The following CCDC92 variants were observed in gnomAD, a reference collection of about 807,000 sequenced individuals.
CCDC92 encodes coiled-coil domain-containing protein 92.
A neutral mutation model predicts 24.9 loss-of-function variants in CCDC92; 12 were observed. The ratio of observed to expected loss-of-function variants is 0.48; its 90% CI spans 0.31 to 0.78. The LOEUF is 0.78. Among genes scored for constraint, CCDC92 ranks in the 30% least tolerant of loss-of-function variants. CCDC92 has a pLI of 0.05. For missense variants in CCDC92, 399 were observed against 439.4 expected (o/e 0.91, Z 0.82); for synonymous variants, 193 against 196.3 (o/e 0.98, Z 0.14).
At chr12:123,955,264 T>G (rs1956123256) in intron 1 of CCDC92, among the ~76,000 whole-genome samples, 1 of 152,258 alleles carries the variant, frequency 6.6e-6, no homozygotes, top group Admixed American at 6.5e-5. Flanking sequence ...CTAGTGATAC[T>G]TTCCTTTAAT....
intron 1 of CCDC92, chr12:123,968,141 G>C (rs566029862): frequency 6.6e-6 from 1 of 152,208 alleles, no homozygotes; most frequent in African/African-American, 2.4e-5. Flanking sequence ...TCACTGCTCA[G>C]TCTTGAGAAT....
intron 1 of CCDC92, chr12:123,944,653 C>T (rs928703875): frequency 4.5e-6 from 1 of 221,104 alleles, no homozygotes; most frequent in East Asian, 9.4e-5. Flanking sequence ...GAGTTCATAA[C>T]GAACTTCAGA....
intron 1 of CCDC92, among the ~76,000 whole-genome samples, chr12:123,954,106 G>T (rs1393070896): frequency 6.6e-6 from 1 of 152,132 alleles, no homozygotes; most frequent in Admixed American, 6.5e-5. Flanking sequence ...TCTTAAAAAA[G>T]ATAATCACTA....
chr12:123,952,992 A>G (rs909350284), intron 1 of CCDC92, among the ~76,000 whole-genome samples: 10 of 152,314 alleles, frequency 6.6e-5, no homozygotes, highest in South Asian at 6.2e-4. Flanking sequence ...TCTCTTCTAC[A>G]ACATGAGAAA....
At chr12:123,955,126 G>A (rs999962407) in intron 1 of CCDC92, among the ~76,000 whole-genome samples, 3 of 152,218 alleles carry the variant, frequency 2.0e-5, no homozygotes, top group African/African-American at 4.8e-5. Context: ...GCTAGAGCTA[G>A]TATCATTTTC....
rs1470247910 is a variant in CCDC92, at chr12:123,972,591, G to A, written c.-122C>T. The A allele has an allele frequency of 6.6e-6, 1 of 150,600 alleles. No individual in the cohort carries two copies. Among genetic ancestry groups the A allele is most frequent in the African/African-American group, 2.4e-5 (1 of 41,208 alleles). The allele number at this position is 150,600 out of a possible 1,614,324, so 9.3% of individuals were successfully genotyped here. A position where few individuals can be genotyped will look rare whatever the true frequency, so the allele number is the denominator to read the frequency against. On this transcript the variant is annotated 5_prime_UTR_variant, in exon 1 of 5. Transcript: ENST00000238156. ...CCTCTTAGGCTCGGTCCTCCCGGCG[G>A]GCGGCGGTGGGGGCCCGTGGCCCAT...
chr12:123,963,760 A>G (rs551895327), intron 1 of CCDC92, among the ~76,000 whole-genome samples: 1 of 152,228 alleles, frequency 6.6e-6, no homozygotes, highest in Non-Finnish European at 1.5e-5. Flanking sequence ...AAGTGGACAC[A>G]TTGCAGCTGA....
At chr12:123,943,320 C>A (rs201614639) in intron 3 of CCDC92, 27 bp downstream of exon 3, 1 of 1,605,960 alleles carries the variant, frequency 6.2e-7, no homozygotes, top group East Asian at 2.2e-5. Flanking sequence ...CCGCCCCCCG[C>A]CTGCCCGGGC....
At chr12:123,953,217 G>C in intron 1 of CCDC92, among the ~76,000 whole-genome samples, 1 of 137,126 alleles carries the variant, frequency 7.3e-6, no homozygotes, top group Non-Finnish European at 1.6e-5. Flanking sequence ...CTAAAAGCTA[G>C]AAGAGGAAAG....
chr12:123,955,441 G>A (rs948898592), intron 1 of CCDC92, among the ~76,000 whole-genome samples: 4 of 152,114 alleles, frequency 2.6e-5, no homozygotes, highest in Admixed American at 6.5e-5. Flanking sequence ...TAATCTTAGC[G>A]CTTGATGACC....
intron 1 of CCDC92, among the ~76,000 whole-genome samples, chr12:123,953,891 G>A (rs991073340): frequency 3.9e-4 from 60 of 152,320 alleles, no homozygotes; most frequent in African/African-American, 1.4e-3. Context: ...AGGAGGCGGA[G>A]GTTGCAGTGA....
rs1335135950 is a variant in CCDC92, at chr12:123,943,487, A to T, written c.41T>A (p.Leu14Gln). The change falls in exon 3 of 5, where the codon CTG (leucine) becomes CAG (glutamine). Residue 14 changes from leucine to glutamine, a missense_variant. Transcript: ENST00000238156. ...PHFSSYDEGPLDVSMAATNLE... is the reference protein window; with the variant it reads ...PHFSSYDEGPQDVSMAATNLE... ...GTTTGTGGCTGCCATGCTGACATCCAGAGGACCTGTGGGTAACACAGACCC... is the reference window on the plus strand; with the variant it reads ...GTTTGTGGCTGCCATGCTGACATCCTGAGGACCTGTGGGTAACACAGACCC... 2 of 1,614,028 alleles carry T rather than the reference A, an allele frequency of 1.2e-6. No individual in the cohort carries two copies. Among genetic ancestry groups the T allele is most frequent in the African/African-American group, 2.7e-5 (2 of 74,938 alleles).
In CCDC92 at chr12:123,936,737, T is replaced by C; in HGVS notation, c.*321A>G. ...CTTGAGAATGAATTAGGTGTGTGACTGTGTGGCATCGTGAACATCAGTAGT... is the reference window on the plus strand; with the variant it reads ...CTTGAGAATGAATTAGGTGTGTGACCGTGTGGCATCGTGAACATCAGTAGT... On this transcript the variant is annotated 3_prime_UTR_variant, in exon 5 of 5. Coordinates refer to ENST00000238156, the MANE Select transcript of CCDC92 (RefSeq NM_025140.3). The C allele has an allele frequency of 4.2e-6, 2 of 472,516 alleles. No individual in the cohort carries two copies. Among genetic ancestry groups the C allele is most frequent in the Non-Finnish European group, 7.6e-6 (2 of 264,154 alleles). The allele number at this position is 472,516 out of a possible 1,614,324, so 29.3% of individuals were successfully genotyped here.
rs1029593625 is a variant in CCDC92 at position 123,958,695 on chromosome 12, G to A, written c.-60+13834C>T. ...GGCGTCACTGACTGTGGCAGGTCCC[G>A]CTGAGGCTTTCCAGGCCTTGCCTCA... is the stretch of plus-strand genomic sequence containing the variant. On this transcript the variant is annotated intron_variant, in intron 1 of 4. Transcript: ENST00000238156. Among the ~76,000 whole-genome samples, 5 of 152,220 alleles carry A rather than the reference G, an allele frequency of 3.3e-5. No homozygotes were observed. In the East Asian group the frequency reaches 7.7e-4, roughly 23 times the overall value.
intron 1 of CCDC92, chr12:123,944,682 G>A (rs972702884): frequency 1.0e-4 from 19 of 181,494 alleles, no homozygotes; most frequent in Non-Finnish European, 1.7e-4. Flanking sequence ...TTCATCACAC[G>A]AAAACACTTC....
intron 3 of CCDC92, 112 bp from the exon 4 acceptor site, chr12:123,942,897 A>G (rs1356290814): frequency 3.5e-6 from 3 of 859,012 alleles, no homozygotes; most frequent in Non-Finnish European, 5.9e-6. Context: ...CTACCCAGAC[A>G]GAGCAGGGTT....
At chr12:123,943,845 A>T (rs538881054) in intron 2 of CCDC92, 1 of 454,086 alleles carries the variant, frequency 2.2e-6, no homozygotes, top group South Asian at 3.3e-5. Context: ...GGGGTCACAC[A>T]GCCAGTGAGG....
chr12:123,943,386 G>GC lies in CCDC92; in HGVS notation c.141dup (p.Leu48AlafsTer18). On this transcript the variant is annotated frameshift_variant, in exon 3 of 5. Transcript: ENST00000238156. LOFTEE classifies it high-confidence loss of function. ...TGCAGCCGCCTGATCTCGGAGTGCAGCCCCTTGAGCGTGCTGGCATGCTCC... is the reference window on the plus strand; with the variant it reads ...TGCAGCCGCCTGATCTCGGAGTGCAGCCCCCTTGAGCGTGCTGGCATGCTCC... 1.2e-6 allele frequency: 2 copies of GC among 1,613,968 alleles called. No homozygotes were observed. The highest frequency in any genetic ancestry group is 1.7e-6 in the Non-Finnish European group (2 of 1,180,022).
At chr12:123,947,017 G>A (rs1370976874) in intron 1 of CCDC92, among the ~76,000 whole-genome samples, 1 of 152,156 alleles carries the variant, frequency 6.6e-6, no homozygotes, top group African/African-American at 2.4e-5. Flanking sequence ...GGTGGGCGTG[G>A]GCTTGGCGGG....
Sources: gnomAD v4.1 joint callset for allele counts (sites outside exome capture counted in the v4.1 genomes callset) on GRCh38, gnomAD v4.1.1 for gene constraint, MANE v1.5 for transcripts, NCBI Gene and HGNC (gene_info 2026-07-23, HGNC 2026-07-21) for gene names.